P2RY12: variants seen among roughly 807,000 people sequenced by gnomAD.
P2RY12 encodes purinergic receptor P2Y12.
P2RY12 carries 3 observed loss-of-function variants against 4.5 expected under a neutral mutation model. That is an observed-to-expected ratio of 0.67 (90% CI 0.31 to 1.74). P2RY12 has a LOEUF of 1.74. Among genes scored for constraint, P2RY12 ranks in the 40% most tolerant of loss-of-function variants. The pLI is 0.09. For synonymous variants in P2RY12, 148 were observed against 154.1 expected, an observed-to-expected ratio of 0.96 and a Z score of 0.29; for missense variants, 356 against 407.8, an observed-to-expected ratio of 0.87 and a Z score of 1.09.
intron 1 of P2RY12, chr3:151,357,305 C>T (rs760092944): frequency 2.5e-5 from 41 of 1,613,746 alleles, no homozygotes; most frequent in South Asian, 1.4e-4. Flanking sequence ...GTGTCTGCAT[C>T]GTGGCTGTTC....
At chr3:151,344,730 T>C (rs1752319685) in intron 1 of P2RY12, among the ~76,000 whole-genome samples, 1 of 152,192 alleles carries the variant, frequency 6.6e-6, no homozygotes, top group Admixed American at 6.6e-5. Flanking sequence ...TTTTTATTAG[T>C]GTTTGGAAGA....
At chr3:151,368,669 C>CATGTCATTTCATTTT (rs1755698214) in intron 1 of P2RY12, among the ~76,000 whole-genome samples, 5 of 58,524 alleles carry the variant, frequency 8.5e-5, no homozygotes, top group South Asian at 6.9e-4. Context: ...CATTTCATTT[C>CATGTCATTTCATTTT]ATTTCATGTC....
In P2RY12 at chr3:151,378,022, C is replaced by T. The variant is rs375835013; in HGVS notation, c.-180+6670G>A. The T allele has an allele frequency of 2.9e-5, 46 of 1,603,548 alleles. No homozygotes were observed. In the Admixed American group the frequency reaches 3.9e-4, roughly 14 times the overall value. Reference sequence around the variant, plus strand: ...TGTTTCTGATTTTAGTTCCTCCGAACGCAGGGGTGTATGGTTGGTGGCCCC... The same window carrying T: ...TGTTTCTGATTTTAGTTCCTCCGAATGCAGGGGTGTATGGTTGGTGGCCCC... On this transcript the variant is annotated intron_variant, in intron 1 of 2. Transcript: ENST00000302632.
chr3:151,350,724 C>T (rs1753122988), intron 1 of P2RY12, among the ~76,000 whole-genome samples: 1 of 152,054 alleles, frequency 6.6e-6, no homozygotes. Context: ...TGATGGCTAC[C>T]TATATCTCCA....
chr3:151,354,570 A>G (rs555171070), intron 1 of P2RY12, among the ~76,000 whole-genome samples: 1 of 152,264 alleles, frequency 6.6e-6, no homozygotes, highest in South Asian at 2.1e-4. Flanking sequence ...AGATCTCCCC[A>G]CCTTCATTGT....
chr3:151,365,690 C>T (rs893820384), intron 1 of P2RY12, among the ~76,000 whole-genome samples: 2 of 152,206 alleles, frequency 1.3e-5, no homozygotes, highest in African/African-American at 4.8e-5. Flanking sequence ...ATCTTCTTCT[C>T]AAGGTTCTAC....
At chr3:151,382,601 T>C (rs1230548539) in intron 1 of P2RY12, 6 of 1,299,408 alleles carry the variant, frequency 4.6e-6, no homozygotes, top group Non-Finnish European at 6.5e-6. Context: ...GCTCAATTTA[T>C]CTTTAAATGA....
chr3:151,357,511 C>T lies in P2RY12; in HGVS notation c.-179-16751G>A, dbSNP rs956106623. The stretch of plus-strand genomic sequence containing the variant: ...AAAACATGGTTAAAGAACACTCTTG[C>T]CAGAAAACATCGATCAAAAAGGTCT... On this transcript the variant is annotated intron_variant, in intron 1 of 2. Transcript: ENST00000302632. 4.1e-6 allele frequency: 3 copies of T among 728,160 alleles called. No individual in the cohort carries two copies. The African/African-American group carries it at 5.4e-5, about 13-fold the overall frequency. The allele number at this position is 728,160 out of a possible 1,614,324, so 45.1% of individuals were successfully genotyped here.
intron 1 of P2RY12, chr3:151,366,119 T>C: frequency 1.2e-6 from 1 of 823,192 alleles, no homozygotes; most frequent in Non-Finnish European, 1.7e-6. Context: ...TTTCTTTCTC[T>C]GTCCAAAAGC....
At chr3:151,339,343 C>T (rs1229417845) in intron 2 of P2RY12, among the ~76,000 whole-genome samples, 3 of 150,994 alleles carry the variant, frequency 2.0e-5, no homozygotes, top group African/African-American at 4.9e-5. Context: ...TGGATAATTG[C>T]CTGTTAGAAT....
At position 151,356,816 on chromosome 3, in the gene P2RY12, A is replaced by C. The variant is rs755025600; in HGVS notation, c.-179-16056T>G. Reference sequence around the variant, plus strand: ...TCATTATTTCCTTCTGCTATTAGCAAACAGAAATAAGACTTGGTTTCCTTT... The same window carrying C: ...TCATTATTTCCTTCTGCTATTAGCACACAGAAATAAGACTTGGTTTCCTTT... On this transcript the variant is annotated intron_variant, in intron 1 of 2. Coordinates refer to ENST00000302632, the MANE Select transcript of P2RY12 (RefSeq NM_022788.5). Among the ~76,000 whole-genome samples the C allele has an allele frequency of 1.3e-3, 198 of 152,222 alleles. 2 individuals are homozygous for C. Among genetic ancestry groups the C allele is most frequent in the Non-Finnish European group, 2.9e-4 (20 of 68,030 alleles).
chr3:151,339,260 CT>C (rs900945612), intron 2 of P2RY12, among the ~76,000 whole-genome samples: 2 of 152,042 alleles, frequency 1.3e-5, no homozygotes, highest in African/African-American at 2.4e-5. Context: ...TTCACAGTCA[CT>C]TTTCCCCCCA....
intron 1 of P2RY12, among the ~76,000 whole-genome samples, chr3:151,374,816 T>C (rs923105654): frequency 3.3e-5 from 5 of 152,184 alleles, no homozygotes; most frequent in Admixed American, 2.0e-4. Context: ...AGTGAAACTA[T>C]ACAAAAAAGT....
At chr3:151,380,312 A>G in intron 1 of P2RY12, 1 of 897,356 alleles carries the variant, frequency 1.1e-6, no homozygotes, top group East Asian at 2.9e-5. Context: ...TTAAATTAAT[A>G]AGGGCCAGGT....
chr3:151,367,810 C>A, intron 1 of P2RY12: 2 of 1,569,680 alleles, frequency 1.3e-6, no homozygotes, highest in East Asian at 2.3e-5. Context: ...TGATTGTTGT[C>A]TTGATGGAGT....
chr3:151,350,257 T>G, intron 1 of P2RY12: 1 of 1,581,086 alleles, frequency 6.3e-7, no homozygotes, highest in African/African-American at 1.3e-5. Context: ...TTGCCTTCCC[T>G]CTGAGCACAG....
chr3:151,343,880 T>C (rs138336729), intron 1 of P2RY12, among the ~76,000 whole-genome samples: 3 of 152,316 alleles, frequency 2.0e-5, no homozygotes, highest in African/African-American at 4.8e-5. Flanking sequence ...GATATAATTA[T>C]GACATTTGAT....
At chr3:151,358,678 A>G (rs1229014822) in intron 1 of P2RY12, among the ~76,000 whole-genome samples, 3 of 152,162 alleles carry the variant, frequency 2.0e-5, no homozygotes, top group South Asian at 2.1e-4. Flanking sequence ...CATATTTGAC[A>G]TTAACTTTGT....
chr3:151,365,201 T>C (rs1310294500), intron 1 of P2RY12: 7 of 1,613,328 alleles, frequency 4.3e-6, no homozygotes, highest in Non-Finnish European at 5.9e-6. Flanking sequence ...ATCAGGATGC[T>C]GGCAGGTGAG....
Sources: gnomAD v4.1 joint callset for allele counts (sites outside exome capture counted in the v4.1 genomes callset) on GRCh38, gnomAD v4.1.1 for gene constraint, MANE v1.5 for transcripts, NCBI Gene and HGNC (gene_info 2026-07-23, HGNC 2026-07-21) for gene names.